DSG3: variants seen among roughly 807,000 people sequenced by gnomAD.
DSG3 encodes the protein desmoglein-3.
In DSG3, 63 loss-of-function variants were observed where a neutral mutation model predicts 85.9. That is an observed-to-expected ratio of 0.73 (90% CI 0.60 to 0.90). The LOEUF (loss-of-function observed/expected upper bound fraction) is 0.90. Ranked by LOEUF, DSG3 falls within the 40% of genes least tolerant of loss-of-function variation. DSG3 has a pLI of 0.00. For missense variants in DSG3, 1,220 were observed against 1,219.9 expected (o/e 1.00, Z 0.00); for synonymous variants, 447 against 441.9 (o/e 1.01, Z -0.14).
intron 3 of DSG3, among the ~76,000 whole-genome samples, chr18:31,458,142 C>G (rs2072760682): frequency 6.6e-6 from 1 of 152,086 alleles, no homozygotes; most frequent in South Asian, 2.1e-4. Flanking sequence ...TCAGGAGTAG[C>G]CTTGTCAATA....
At position 31,457,132 on chromosome 18, in the gene DSG3, A is replaced by G. The variant is rs1393266306; in HGVS notation, c.216+8A>G. The G allele has an allele frequency of 6.2e-7, 1 of 1,610,782 alleles. No individual in the cohort carries two copies. The highest frequency in any genetic ancestry group is 8.5e-7 in the Non-Finnish European group (1 of 1,179,112). On this transcript the variant is annotated splice_region_variant and intron_variant, in intron 3 of 15. Transcript: ENST00000257189. Reference sequence around the variant, plus strand: ...AGAAACCCAATTGCCAAGGTAAGTTATATCAACAGGAGCGTATGAGTTTTT... The same window carrying G: ...AGAAACCCAATTGCCAAGGTAAGTTGTATCAACAGGAGCGTATGAGTTTTT...
chr18:31,460,730 A>G, intron 6 of DSG3, 103 bp from the exon 7 acceptor site: 2 of 1,088,272 alleles, frequency 1.8e-6, no homozygotes, highest in Non-Finnish European at 2.6e-6. Context: ...TGTCTTCTAC[A>G]TAAAATTGAA....
chr18:31,475,831 A>C lies in DSG3; in HGVS notation c.2571A>C (p.Ala857=), dbSNP rs768507421. 6 of 1,614,192 alleles carry C rather than the reference A, an allele frequency of 3.7e-6. No homozygotes were observed. Among genetic ancestry groups the C allele is most frequent in the Non-Finnish European group, 5.1e-6 (6 of 1,180,036 alleles). Residue 857 remains alanine, a synonymous_variant, in exon 16 of 16, where the codon GCA becomes GCC. Transcript: ENST00000257189. ...TTGGACCCAAATTTAAAAAACTTGC[A>C]GAGATAAGCCTTGGTGTTGATGGTG... ...DSLGPKFKKL[A]EISLGVDGEG... is the part of the protein sequence containing the mutation.
At chr18:31,458,796 C>T (rs2072765504) in intron 4 of DSG3, among the ~76,000 whole-genome samples, 196 bp downstream of exon 4, 1 of 152,204 alleles carries the variant, frequency 6.6e-6, no homozygotes, top group Non-Finnish European at 1.5e-5. Flanking sequence ...GGGTTGAAAT[C>T]TAGCACGCCA....
rs774111652 is a variant in DSG3, at chr18:31,469,285, G to A, written c.1833G>A (p.Pro611=). 18 of 1,613,854 alleles carry A rather than the reference G, an allele frequency of 1.1e-5. No individual in the cohort carries two copies. The Admixed American group carries it at 1.2e-4, about 10-fold the overall frequency. Reference sequence around the variant, plus strand: ...GCCCTGGGACCAGGTATGGCAGGCCGCACTCAGGGAGGCTGGGGCCTGCCG... The same window carrying A: ...GCCCTGGGACCAGGTATGGCAGGCCACACTCAGGGAGGCTGGGGCCTGCCG... ...TTSPGTRYGR[P]HSGRLGPAAI... Residue 611 remains proline (P), a synonymous_variant, in exon 12 of 16, where the codon CCG becomes CCA. Coordinates refer to ENST00000257189, the MANE Select transcript of DSG3 (RefSeq NM_001944.3).
At position 31,472,320 on chromosome 18, in the gene DSG3, C is replaced by G. The variant is rs946210098; in HGVS notation, c.1934C>G (p.Ala645Gly). The G allele has an allele frequency of 1.2e-6, 2 of 1,614,020 alleles. No homozygotes were observed. The highest frequency in any genetic ancestry group is 4.5e-5 in the East Asian group (2 of 44,880). Residue 645 changes from alanine (A) to glycine (G), a missense_variant, in exon 13 of 16, where the codon GCA becomes GGA. Physicochemically the swap from Ala to Gly is moderately conservative, Grantham distance 60. Coordinates refer to ENST00000257189, the MANE Select transcript of DSG3 (RefSeq NM_001944.3). ...CTGCTGTTGACCTGTGACTGTGGGG[C>G]AGGTTCTACTGGGGGAGTGACAGGT... ...PLLLLTCDCGAGSTGGVTGGF... is the reference protein window; with the variant it reads ...PLLLLTCDCGGGSTGGVTGGF...
At chr18:31,452,932 C>T (rs2144261204) in intron 1 of DSG3, among the ~76,000 whole-genome samples, 1 of 152,222 alleles carries the variant, frequency 6.6e-6, no homozygotes, top group African/African-American at 2.4e-5. Context: ...CAAGGCTTAA[C>T]TTTCTAAATT....
At chr18:31,469,730 T>C (rs141368399) in intron 12 of DSG3, among the ~76,000 whole-genome samples, 1 of 152,108 alleles carries the variant, frequency 6.6e-6, no homozygotes, top group East Asian at 1.9e-4. Context: ...GATTCTAAGA[T>C]AAAAAGAGAA....
chr18:31,467,489 T>C (rs982914649), intron 11 of DSG3, among the ~76,000 whole-genome samples: 24 of 152,346 alleles, frequency 1.6e-4, no homozygotes, highest in African/African-American at 5.0e-4. Flanking sequence ...GAGTGCCGCT[T>C]ACACTATCAC....
At chr18:31,462,237 A>G (rs2072791301) in intron 8 of DSG3, among the ~76,000 whole-genome samples, 1 of 151,980 alleles carries the variant, frequency 6.6e-6, no homozygotes. Context: ...ATGCCCGGCT[A>G]ATTTTTATAG....
chr18:31,472,178 A>G lies in DSG3; in HGVS notation c.1898-106A>G, dbSNP rs950494312. ...GGTTTTCATTAGGAATTTTCTACAA[A>G]TATTTAAGATACTGTATTTTCTTTG... On this transcript the variant is annotated intron_variant, in intron 12 of 15. Transcript: ENST00000257189. 8 of 1,516,590 alleles carry G rather than the reference A, an allele frequency of 5.3e-6. No individual in the cohort carries two copies. The African/African-American group carries it at 1.1e-4, about 21-fold the overall frequency. The allele number at this position is 1,516,590 out of a possible 1,614,324, so 93.9% of individuals were successfully genotyped here.
Position 31,464,334 on chromosome 18 carries a change from C to T in DSG3, c.1223C>T (p.Thr408Ile). ...AAATTGGTGGATTATATCCTGGGAA[C>T]ATATCAAGCCATCGATGAGGACACT... ...SKKLVDYILG[T>I]YQAIDEDTNK... Residue 408 changes from threonine (T) to isoleucine (I), a missense_variant, in exon 9 of 16, where the codon ACA (threonine) becomes ATA (isoleucine). Coordinates refer to ENST00000257189, the MANE Select transcript of DSG3 (RefSeq NM_001944.3). 6.2e-7 allele frequency: 1 copy of T among 1,614,046 alleles called. No individual in the cohort carries two copies. Among genetic ancestry groups the T allele is most frequent in the Non-Finnish European group, 8.5e-7 (1 of 1,179,966 alleles).
chr18:31,458,636 C>T (rs759865203), intron 4 of DSG3, 36 bp downstream of exon 4: 2 of 1,587,800 alleles, frequency 1.3e-6, no homozygotes, highest in Non-Finnish European at 1.7e-6. Context: ...CTACCCTTCT[C>T]CTTGTATACC....
chr18:31,469,475 G>A (rs1428467091), intron 12 of DSG3, 126 bp downstream of exon 12: 2 of 1,347,808 alleles, frequency 1.5e-6, no homozygotes, highest in Non-Finnish European at 9.9e-7. Flanking sequence ...TAAAGCTAGG[G>A]GAAAATGGCA....
Position 31,461,288 on chromosome 18 carries a change from ATTTGGATGAAGAG to A in DSG3, c.877_889del (p.Leu293ThrfsTer33). 1.9e-6 allele frequency: 3 copies of A among 1,613,616 alleles called. No homozygotes were observed. Among genetic ancestry groups the A allele is most frequent in the Non-Finnish European group, 2.5e-6 (3 of 1,179,760 alleles). On this transcript the variant is annotated frameshift_variant, in exon 8 of 16. Coordinates refer to ENST00000257189, the MANE Select transcript of DSG3 (RefSeq NM_001944.3). LOFTEE classifies it high-confidence loss of function. Reference sequence around the variant, plus strand: ...GAATTACTTCGATTTCAAGTAACAGATTTGGATGAAGAGTACACAGATAATTGGCTTGCAGTAT... The same window carrying A: ...GAATTACTTCGATTTCAAGTAACAGATACACAGATAATTGGCTTGCAGTAT...
Position 31,469,089 on chromosome 18 carries a change from C to T in DSG3, c.1637C>T (p.Ala546Val), listed in dbSNP as rs1211012974. ...GATTTGCATGATTCTTTCTCTACAG[C>T]TACCTCGGCCCTCCTCAGAGCCCAG... Reference protein sequence around the residue: ...PAVWSITTLNATSALLRAQEQ... With the variant: ...PAVWSITTLNVTSALLRAQEQ... The change falls in exon 12 of 16, where the codon GCT becomes GTT. Residue 546 changes from alanine (A) to valine (V), a missense_variant and splice_region_variant. By Grantham distance (64) the Ala-to-Val change is moderately conservative (BLOSUM62 0). Coordinates refer to ENST00000257189, the MANE Select transcript of DSG3 (RefSeq NM_001944.3). 6.2e-7 allele frequency: 1 copy of T among 1,612,364 alleles called. No individual in the cohort carries two copies. Among genetic ancestry groups the T allele is most frequent in the Non-Finnish European group, 8.5e-7 (1 of 1,178,532 alleles).
intron 4 of DSG3, 124 bp from the exon 5 acceptor site, chr18:31,458,909 T>C: frequency 8.0e-7 from 1 of 1,253,978 alleles, no homozygotes; most frequent in Non-Finnish European, 1.1e-6. Context: ...GTCTACCCTT[T>C]GGGGAAACAT....
intron 3 of DSG3, among the ~76,000 whole-genome samples, 155 bp from the exon 4 acceptor site, chr18:31,458,290 C>T (rs377080991): frequency 9.2e-5 from 14 of 152,274 alleles, no homozygotes; most frequent in South Asian, 6.2e-4. Flanking sequence ...GATTTTATTT[C>T]ATATTCCTAG....
At position 31,476,481 on chromosome 18, in the gene DSG3, TAA is replaced by T. The variant is rs1442876804; in HGVS notation, c.*223_*224del. 4.4e-6 allele frequency: 2 copies of T among 453,968 alleles called. No homozygotes were observed. Among genetic ancestry groups the T allele is most frequent in the East Asian group, 3.6e-5 (1 of 28,150 alleles). 28.1% of individuals were successfully genotyped at this position (453,968 alleles called of 1,614,324 possible). A position where few individuals can be genotyped will look rare whatever the true frequency, so the allele number is the denominator to read the frequency against. ...GTACTATTCAAATTGTAGTAAATCT[TAA>T]AGTTTTTCAAAACCCTAAAATCATA... is the stretch of plus-strand genomic sequence containing the variant. On this transcript the variant is annotated 3_prime_UTR_variant, in exon 16 of 16. Coordinates refer to ENST00000257189, the MANE Select transcript of DSG3 (RefSeq NM_001944.3).
Sources: allele counts gnomAD v4.1 joint callset (sites outside exome capture counted in the v4.1 genomes callset), GRCh38; gene constraint gnomAD v4.1.1; transcripts MANE v1.5; gene names NCBI Gene and HGNC (gene_info 2026-07-23, HGNC 2026-07-21).